The following ULK2 variants were observed in gnomAD, a reference collection of about 807,000 sequenced individuals.
The protein encoded by ULK2 is unc-51 like autophagy activating kinase 2.
A neutral mutation model predicts 127.5 loss-of-function variants in ULK2; 76 were observed. The observed-to-expected ratio is 0.60, with a 90% CI of 0.50 to 0.72. The LOEUF is 0.72. ULK2 is among the 30% of genes least tolerant of loss of function. ULK2 has a pLI of 0.00. For missense variants in ULK2, 1,144 were observed against 1,295.9 expected (o/e 0.88, Z 1.80); for synonymous variants, 452 against 461.9 (o/e 0.98, Z 0.28).
chr17:19,836,289 A>C (rs939394438), intron 10 of ULK2, among the ~76,000 whole-genome samples: 3 of 152,076 alleles, frequency 2.0e-5, no homozygotes, highest in African/African-American at 7.2e-5. Flanking sequence ...TGTGCCTGTA[A>C]TCCCAGTTAC....
At chr17:19,782,908 T>C (rs908488303) in intron 22 of ULK2, among the ~76,000 whole-genome samples, 2 of 138,784 alleles carry the variant, frequency 1.4e-5, no homozygotes, top group Non-Finnish European at 3.1e-5. Flanking sequence ...AGAGCAAGAC[T>C]CTGTCTCAAA....
At position 19,843,214 on chromosome 17, in the gene ULK2, C is replaced by T. The variant is rs2041805696; in HGVS notation, c.552G>A (p.Glu184=). ...LCGSPMYMAP[E]VIMSQHYDAK... ...CATCATAATGTTGAGACATAATAAC[C>T]TCAGGAGCCTGGGAACAGAAAAATT... The change falls in exon 8 of 27, where the codon GAG becomes GAA. Residue 184 remains glutamate, a synonymous_variant. Transcript: ENST00000395544. 1 of 1,559,938 alleles carries T rather than the reference C, an allele frequency of 6.4e-7. No individual in the cohort carries two copies. The highest frequency in any genetic ancestry group is 2.2e-5 in the Admixed American group (1 of 45,476).
In ULK2 at chr17:19,838,564, G is replaced by A. The variant is rs34670978; in HGVS notation, c.724C>T (p.Pro242Ser). The A allele has an allele frequency of 0.022, 36,238 of 1,612,640 alleles. 546 individuals carry two copies. The highest frequency in any genetic ancestry group is 0.043 in the Middle Eastern group (261 of 6,056). ...CCCAAAAGGAGATTAGCCAAATAAGGTGATGTTTCTCTGGGAATACTGGGG... is the reference window on the plus strand; with the variant it reads ...CCCAAAAGGAGATTAGCCAAATAAGATGATGTTTCTCTGGGAATACTGGGG... Reference protein sequence around the residue: ...LMPSIPRETSPYLANLLLGLL... With the variant: ...LMPSIPRETSSYLANLLLGLL... Residue 242 changes from proline (P) to serine (S), a missense_variant, in exon 10 of 27, where the codon CCT becomes TCT. Coordinates refer to ENST00000395544, the MANE Select transcript of ULK2 (RefSeq NM_014683.4).
At chr17:19,863,954 T>A (rs973978130) in intron 3 of ULK2, among the ~76,000 whole-genome samples, 3 of 152,122 alleles carry the variant, frequency 2.0e-5, no homozygotes, top group African/African-American at 7.2e-5. Context: ...AGTGACCTTG[T>A]TTTTAATTTA....
intron 7 of ULK2, 147 bp from the exon 8 acceptor site, chr17:19,843,369 C>T (rs756411719): frequency 5.8e-5 from 29 of 499,060 alleles, no homozygotes; most frequent in Non-Finnish European, 9.4e-5. Flanking sequence ...AATAATAAGG[C>T]AAAGAACTTA....
At chr17:19,838,051 G>C (rs1014710955) in intron 10 of ULK2, among the ~76,000 whole-genome samples, 4 of 152,106 alleles carry the variant, frequency 2.6e-5, no homozygotes, top group African/African-American at 9.7e-5. Flanking sequence ...TATATTGGCT[G>C]TTCACTCTGC....
chr17:19,844,750 T>C (rs80054098), intron 7 of ULK2, among the ~76,000 whole-genome samples: 7,615 of 152,188 alleles, frequency 0.05, 537 homozygotes, highest in African/African-American at 0.15. Context: ...TCTGAATCTC[T>C]AGAATTAAGG....
chr17:19,820,170 T>G (rs1482528061), intron 12 of ULK2, among the ~76,000 whole-genome samples: 1 of 151,476 alleles, frequency 6.6e-6, no homozygotes, highest in Non-Finnish European at 1.5e-5. Context: ...TGCTGCAGCC[T>G]CCCGAGTAGC....
chr17:19,820,182 GGA>G (rs911942181), intron 12 of ULK2, among the ~76,000 whole-genome samples: 3 of 151,942 alleles, frequency 2.0e-5, no homozygotes, highest in African/African-American at 7.2e-5. Flanking sequence ...CCGAGTAGCT[GGA>G]ACTACAGGCG....
chr17:19,801,648 C>T (rs1042671171), intron 16 of ULK2, 129 bp downstream of exon 16: 24 of 1,181,340 alleles, frequency 2.0e-5, no homozygotes, highest in African/African-American at 7.8e-5. Context: ...GATGGAGGGA[C>T]GGGGTATGGC....
chr17:19,857,020 T>C (rs1597820269), intron 3 of ULK2, among the ~76,000 whole-genome samples: 1 of 150,590 alleles, frequency 6.6e-6, no homozygotes, highest in Non-Finnish European at 1.5e-5. Flanking sequence ...TTAAAATTTT[T>C]TATAGCCAGG....
chr17:19,866,453 A>AGCGGAGATC (rs569950482), intron 1 of ULK2, among the ~76,000 whole-genome samples: 178 of 152,320 alleles, frequency 1.2e-3, no homozygotes, highest in Non-Finnish European at 1.8e-3. Flanking sequence ...GGTTGCAGTG[A>AGCGGAGATC]GCGGAGATCT....
intron 14 of ULK2, 150 bp from the exon 15 acceptor site, chr17:19,804,980 T>C (rs1375103329): frequency 4.5e-6 from 4 of 886,802 alleles, no homozygotes; most frequent in South Asian, 4.0e-5. Flanking sequence ...TTAAAAAATA[T>C]ATAAAGCCAA....
At chr17:19,781,524 A>T (rs575600601) in intron 23 of ULK2, among the ~76,000 whole-genome samples, 9 of 152,260 alleles carry the variant, frequency 5.9e-5, no homozygotes, top group African/African-American at 2.2e-4. Context: ...CTGGAATTAC[A>T]TATAGGCATA....
intron 20 of ULK2, among the ~76,000 whole-genome samples, chr17:19,791,197 C>CCT (rs1352068994): frequency 2.6e-5 from 4 of 152,194 alleles, no homozygotes; most frequent in African/African-American, 9.6e-5. Context: ...AATATACATT[C>CCT]CTCTCAGCTT....
rs1215767602 is a variant in ULK2, at chr17:19,801,843, T to G, written c.1375A>C (p.Thr459Pro). 6.2e-7 allele frequency: 1 copy of G among 1,614,260 alleles called. No individual in the cohort carries two copies. The highest frequency in any genetic ancestry group is 8.5e-7 in the Non-Finnish European group (1 of 1,180,034). ...AGCCTTCGTCCAACTGTCTGTGCTG[T>G]GTCTGCTGGTACTGGGGAGCATGAT... ...PGSCSPVPAD[T>P]AQTVGRRLST... Residue 459 changes from threonine to proline, a missense_variant, in exon 16 of 27, where the codon ACA becomes CCA. Thr to Pro is a conservative substitution (Grantham distance 38). Transcript: ENST00000395544.
At chr17:19,789,860 G>GA (rs1026012698) in intron 20 of ULK2, among the ~76,000 whole-genome samples, 6 of 52,000 alleles carry the variant, frequency 1.2e-4, no homozygotes, top group Non-Finnish European at 2.2e-4. Context: ...GGAAACAGAA[G>GA]AAAAAAATGA....
At position 19,867,903 on chromosome 17, in the gene ULK2, C is replaced by A. The variant is rs1349258103; in HGVS notation, c.-486G>T. 6.6e-6 allele frequency: 1 copy of A among 151,050 alleles called. No homozygotes were observed. The highest frequency in any genetic ancestry group is 1.5e-5 in the Non-Finnish European group (1 of 67,708). 9.4% of individuals were successfully genotyped at this position (151,050 alleles called of 1,614,324 possible). A position where few individuals can be genotyped will look rare whatever the true frequency, so the allele number is the denominator to read the frequency against. ...TTCCCCGCCTCGCGGCGGCGCCCAA[C>A]GCCCTCGCGCGCGCTACCCGCTCCC... On this transcript the variant is annotated 5_prime_UTR_variant, in exon 1 of 27. Transcript: ENST00000395544.
intron 6 of ULK2, among the ~76,000 whole-genome samples, chr17:19,845,924 C>T (rs1245719317): frequency 6.6e-6 from 1 of 151,880 alleles, no homozygotes; most frequent in Non-Finnish European, 1.5e-5. Context: ...GCCTGGCCAA[C>T]ACGGTGAAAC....
Sources: gnomAD v4.1 joint callset for allele counts (sites outside exome capture counted in the v4.1 genomes callset) on GRCh38, gnomAD v4.1.1 for gene constraint, MANE v1.5 for transcripts, NCBI Gene and HGNC (gene_info 2026-07-23, HGNC 2026-07-21) for gene names.